The following ZZEF1 variants were observed in gnomAD, a reference collection of about 807,000 sequenced individuals.
ZZEF1 encodes zinc finger ZZ-type and EF-hand domain-containing protein 1.
ZZEF1 carries 157 observed loss-of-function variants against 342.8 expected under a neutral mutation model. That is an observed-to-expected ratio of 0.46 (90% CI 0.40 to 0.52). The LOEUF is 0.52. Among genes scored for constraint, ZZEF1 ranks in the 20% least tolerant of loss-of-function variants. The pLI, the probability that ZZEF1 is intolerant of heterozygous loss-of-function variation, is 0.00. For synonymous variants in ZZEF1, 1,505 were observed against 1,429.1 expected, an observed-to-expected ratio of 1.05 and a Z score of -1.20; for missense variants, 3,480 against 3,725.6, an observed-to-expected ratio of 0.93 and a Z score of 1.72.
intron 1 of ZZEF1, among the ~76,000 whole-genome samples, chr17:4,132,822 C>T (rs540579299): frequency 2.5e-4 from 38 of 150,658 alleles, no homozygotes; most frequent in Admixed American, 7.3e-4. Flanking sequence ...AAAAATTAGC[C>T]GGGTGTGGTG....
chr17:4,006,370 T>C lies in ZZEF1; in HGVS notation c.*520A>G, dbSNP rs1395326418. ...GCTCGATGCCTGGTTCTGTACTGGA[T>C]GCTTGGGGATCACTGGTGGCTAGGA... On this transcript the variant is annotated 3_prime_UTR_variant, in exon 55 of 55. Transcript: ENST00000381638. 1 of 216,228 alleles carries C rather than the reference T, an allele frequency of 4.6e-6. No homozygotes were observed. The highest frequency in any genetic ancestry group is 2.4e-5 in the African/African-American group (1 of 42,250). 13.4% of individuals were successfully genotyped at this position (216,228 alleles called of 1,614,324 possible).
intron 1 of ZZEF1, among the ~76,000 whole-genome samples, chr17:4,132,751 A>G (rs1439237825): frequency 5.0e-4 from 48 of 95,746 alleles, no homozygotes; most frequent in Admixed American, 1.4e-3. Flanking sequence ...TGGATCACGA[A>G]GTCAGGAGAT....
chr17:4,052,723 C>T (rs748845550), intron 34 of ZZEF1, among the ~76,000 whole-genome samples: 7 of 152,228 alleles, frequency 4.6e-5, no homozygotes, highest in Middle Eastern at 3.4e-3. Context: ...AAAAATTAGC[C>T]ACGTGTGGTG....
At position 4,014,426 on chromosome 17, in the gene ZZEF1, C is replaced by T. The variant is rs1293039030; in HGVS notation, c.8235G>A (p.Met2745Ile). The change falls in exon 50 of 55, where the codon ATG (methionine) becomes ATA (isoleucine). Residue 2745 changes from methionine to isoleucine, a missense_variant. Met to Ile is a conservative substitution (Grantham distance 10). Transcript: ENST00000381638. The surrounding 1 kb of genome is among the most constrained non-coding windows in gnomAD (Gnocchi z 4.4). ...NTEEGCDELA[M>I]SSSSDFQQDR... The stretch of plus-strand genomic sequence containing the variant: ...CTTGCTGGAAGTCACTGCTGCTGGA[C>T]ATGGCTAACTCGTCACAGCCCTCCT... 1.9e-6 allele frequency: 3 copies of T among 1,614,142 alleles called. No homozygotes were observed. Among genetic ancestry groups the T allele is most frequent in the Non-Finnish European group, 2.5e-6 (3 of 1,180,064 alleles).
chr17:4,106,996 G>T (rs2145461134), intron 6 of ZZEF1, among the ~76,000 whole-genome samples: 1 of 152,230 alleles, frequency 6.6e-6, no homozygotes, highest in African/African-American at 2.4e-5. Context: ...GCCATTTTGG[G>T]GTTGCACAAA....
intron 39 of ZZEF1, 21 bp from the exon 40 acceptor site, chr17:4,034,313 A>C: frequency 6.2e-7 from 1 of 1,612,998 alleles, no homozygotes; most frequent in Non-Finnish European, 8.5e-7. Flanking sequence ...AGGGAGAGAA[A>C]TCTGTTCAGT....
At position 4,036,776 on chromosome 17, in the gene ZZEF1, TACACACACAC is replaced by T. The variant is rs761229612; in HGVS notation, c.6307-2494_6307-2485del. ...CACTGCTCTAAATAAATATATAGAA[TACACACACAC>T]ACACACACACACACACACACACACA... On this transcript the variant is annotated intron_variant, in intron 39 of 54. Transcript: ENST00000381638. 5.7e-4 allele frequency among the ~76,000 whole-genome samples: 57 copies of T among 99,952 alleles called. No individual in the cohort carries two copies. In the South Asian group the frequency reaches 6.7e-3, roughly 12 times the overall value. The allele number at this position is 99,952 out of a possible 152,430, so 65.6% of individuals were successfully genotyped here.
At chr17:4,124,224 T>C (rs2058538116) in intron 1 of ZZEF1, among the ~76,000 whole-genome samples, 173 bp from the exon 2 acceptor site, 1 of 152,164 alleles carries the variant, frequency 6.6e-6, no homozygotes, top group Non-Finnish European at 1.5e-5. Flanking sequence ...TCACTGCGCT[T>C]TGTAGGATGT....
chr17:4,027,842 CATTT>C (rs904431337), intron 42 of ZZEF1, among the ~76,000 whole-genome samples: 9 of 151,890 alleles, frequency 5.9e-5, no homozygotes, highest in Non-Finnish European at 1.0e-4. Context: ...GCCTCATCAT[CATTT>C]ATTTATTTAT....
intron 14 of ZZEF1, 48 bp downstream of exon 14, chr17:4,087,386 T>TA (rs753488969): frequency 2.2e-5 from 32 of 1,468,492 alleles, no homozygotes; most frequent in Non-Finnish European, 3.0e-5. Context: ...GTAAAACTCA[T>TA]TGTTTTCAGT....
chr17:4,024,821 C>T, intron 43 of ZZEF1, 98 bp downstream of exon 43: 3 of 1,163,758 alleles, frequency 2.6e-6, no homozygotes, highest in Non-Finnish European at 3.9e-6. Context: ...TATGGTTTAC[C>T]ATCCATCGAA....
Position 4,021,361 on chromosome 17 carries a change from G to A in ZZEF1, c.7213-41C>T, listed in dbSNP as rs148607344. 3.9e-6 allele frequency: 6 copies of A among 1,531,070 alleles called. No individual in the cohort carries two copies. The East Asian group carries it at 1.4e-4, about 36-fold the overall frequency. 94.8% of individuals were successfully genotyped at this position (1,531,070 alleles called of 1,614,324 possible). On this transcript the variant is annotated intron_variant, in intron 44 of 54. Transcript: ENST00000381638. ...ATCCAGCTGAATGTGAGCACTCAGT[G>A]GGCGGGAAGATGGTACAGTCCTTTA... is the stretch of plus-strand genomic sequence containing the variant.
intron 16 of ZZEF1, among the ~76,000 whole-genome samples, chr17:4,084,030 T>C (rs1211100580): frequency 3.9e-5 from 6 of 152,208 alleles, no homozygotes; most frequent in Non-Finnish European, 7.3e-5. Flanking sequence ...TTTTTAACAC[T>C]TCTTTCCCTT....
At chr17:4,038,621 A>G (rs1294252979) in intron 39 of ZZEF1, among the ~76,000 whole-genome samples, 4 of 152,186 alleles carry the variant, frequency 2.6e-5, no homozygotes, top group African/African-American at 9.7e-5. Context: ...CCTGGCCAAC[A>G]TGGTGAAACC....
In ZZEF1 at chr17:4,112,599, T is replaced by C. The variant is rs767323603; in HGVS notation, c.1066+10A>G. 7 of 1,614,016 alleles carry C rather than the reference T, an allele frequency of 4.3e-6. No individual in the cohort carries two copies. The South Asian group carries it at 5.5e-5, about 13-fold the overall frequency. On this transcript the variant is annotated intron_variant, in intron 5 of 54. Transcript: ENST00000381638. ...GCTTTTCCCTATCCCCTCAGTTCTG[T>C]TGGACTTACAGAGCTGACTGACGTT...
chr17:4,064,249 A>G, intron 29 of ZZEF1, 112 bp downstream of exon 29: 1 of 860,710 alleles, frequency 1.2e-6, no homozygotes. Flanking sequence ...ACAAGTCTTG[A>G]TCTATCCTAA....
chr17:4,053,582 T>C (rs2057094734), intron 34 of ZZEF1, among the ~76,000 whole-genome samples: 2 of 152,232 alleles, frequency 1.3e-5, no homozygotes, highest in African/African-American at 2.4e-5. Context: ...TGCTGGACTG[T>C]AGATGGTTCC....
rs149161809 is a variant in ZZEF1 at position 4,113,375 on chromosome 17, A to G, written c.867-567T>C. ...CTTCTAAAGTGACCAACTCAGTTAC[A>G]TACAGTGAATTTCAAAAATGTATAT... On this transcript the variant is annotated intron_variant, in intron 4 of 54. Coordinates refer to ENST00000381638, the MANE Select transcript of ZZEF1 (RefSeq NM_015113.4). 4.0e-3 allele frequency among the ~76,000 whole-genome samples: 614 copies of G among 152,320 alleles called. 8 individuals carry two copies. Among genetic ancestry groups the G allele is most frequent in the East Asian group, 0.04 (207 of 5,186 alleles).
At chr17:4,122,664 C>T (rs948214368) in intron 2 of ZZEF1, among the ~76,000 whole-genome samples, 2 of 152,134 alleles carry the variant, frequency 1.3e-5, no homozygotes, top group Admixed American at 6.5e-5. Flanking sequence ...GGATTACAGG[C>T]GTGAGCCACT....
Sources: allele counts gnomAD v4.1 joint callset (sites outside exome capture counted in the v4.1 genomes callset), GRCh38; gene constraint gnomAD v4.1.1; non-coding constraint Gnocchi (gnomAD v3.1); transcripts MANE v1.5; gene names NCBI Gene and HGNC (gene_info 2026-07-23, HGNC 2026-07-21).